Variants in ADAM32 observed in about 807,000 individuals in gnomAD.
The protein encoded by ADAM32 is disintegrin and metalloproteinase domain-containing protein 32.
A neutral mutation model predicts 114.9 loss-of-function variants in ADAM32; 89 were observed. That is an observed-to-expected ratio of 0.77 (90% CI 0.65 to 0.92). ADAM32 has a LOEUF of 0.92. ADAM32 is among the 40% of genes least tolerant of loss of function. The probability of loss-of-function intolerance (pLI) is 0.00; values close to 1 mark genes in which losing one functional copy is unlikely to be tolerated. For missense variants in ADAM32, 870 were observed against 932.8 expected (o/e 0.93, Z 0.88); for synonymous variants, 285 against 307.5 (o/e 0.93, Z 0.77).
intron 3 of ADAM32, among the ~76,000 whole-genome samples, chr8:39,137,089 A>G (rs1027878891): frequency 2.0e-5 from 3 of 152,190 alleles, no homozygotes; most frequent in African/African-American, 7.2e-5. Context: ...TGGGACAGGG[A>G]TTTAATACAG....
At position 39,118,173 on chromosome 8, in the gene ADAM32, A is replaced by T. The variant is rs529145996; in HGVS notation, c.138+8A>T. On this transcript the variant is annotated splice_region_variant and intron_variant, in intron 2 of 24. Coordinates refer to ENST00000379907, the MANE Select transcript of ADAM32 (RefSeq NM_145004.7). ...AGTTCAGAAATAGAATATGTAAGAGATATTTTTTCACAATCTAAATGTTTA... is the reference window on the plus strand; with the variant it reads ...AGTTCAGAAATAGAATATGTAAGAGTTATTTTTTCACAATCTAAATGTTTA... The T allele has an allele frequency of 1.6e-5, 22 of 1,376,756 alleles. No homozygotes were observed. Among genetic ancestry groups the T allele is most frequent in the Non-Finnish European group, 1.9e-5 (20 of 1,036,366 alleles). The allele number at this position is 1,376,756 out of a possible 1,614,324, so 85.3% of individuals were successfully genotyped here.
chr8:39,193,734 C>A (rs1197181166), intron 11 of ADAM32, among the ~76,000 whole-genome samples: 1 of 152,116 alleles, frequency 6.6e-6, no homozygotes, highest in Admixed American at 6.5e-5. Flanking sequence ...GTTCAGTCGA[C>A]TGGCTTTGTT....
chr8:39,129,122 T>TG (rs1554596050), intron 2 of ADAM32, among the ~76,000 whole-genome samples: 1,713 of 94,176 alleles, frequency 0.018, 13 homozygotes, highest in South Asian at 0.028. Context: ...CGTTTTTTTT[T>TG]GTCTTTTTTT....
At chr8:39,161,886 T>G (rs1804528692) in intron 7 of ADAM32, among the ~76,000 whole-genome samples, 2 of 151,980 alleles carry the variant, frequency 1.3e-5, no homozygotes, top group Admixed American at 1.3e-4. Flanking sequence ...ATGACTAAGT[T>G]TCCAGGGAAT....
At chr8:39,213,131 C>G (rs1263618888) in intron 12 of ADAM32, among the ~76,000 whole-genome samples, 1 of 152,026 alleles carries the variant, frequency 6.6e-6, no homozygotes, top group East Asian at 1.9e-4. Flanking sequence ...ATTAACAAAT[C>G]CATCACCTCA....
chr8:39,130,694 A>C (rs1483516382), intron 2 of ADAM32, among the ~76,000 whole-genome samples: 1 of 152,110 alleles, frequency 6.6e-6, no homozygotes, highest in Non-Finnish European at 1.5e-5. Context: ...CAAATTTTTG[A>C]GGATTTCCTA....
chr8:39,150,595 T>A (rs1457429354), intron 5 of ADAM32, among the ~76,000 whole-genome samples: 2 of 152,166 alleles, frequency 1.3e-5, no homozygotes, highest in Admixed American at 1.3e-4. Flanking sequence ...TTAGGGAGTT[T>A]TCCATTCTGT....
At position 39,211,271 on chromosome 8, in the gene ADAM32, T is replaced by G. The variant is rs754369001; in HGVS notation, c.1180T>G (p.Cys394Gly). 2 of 1,598,116 alleles carry G rather than the reference T, an allele frequency of 1.3e-6. No homozygotes were observed. The highest frequency in any genetic ancestry group is 8.5e-7 in the Non-Finnish European group (1 of 1,172,260). ...GCAAAAAAAATCTCCGAAACCAGTC[T>G]GTGGCAATGGCAGATTGGAGGGAAA... ...QMQKKSPKPV[C>G]GNGRLEGNEI... Residue 394 changes from cysteine (C) to glycine (G), a missense_variant, in exon 12 of 25, where the codon TGT becomes GGT. Cys to Gly is a radical substitution (Grantham distance 159, BLOSUM62 -3). Transcript: ENST00000379907.
intron 18 of ADAM32, 92 bp from the exon 19 acceptor site, chr8:39,257,095 T>A (rs1367223093): frequency 4.0e-6 from 5 of 1,235,664 alleles, no homozygotes; most frequent in Non-Finnish European, 4.3e-6. Flanking sequence ...ACAATACAAA[T>A]TCAGAAGATT....
In ADAM32 at chr8:39,220,712, T is replaced by G. The variant is rs902000890; in HGVS notation, c.1234-898T>G. ...GCATGTTGTTTAATTTCTGTGTGCT[T>G]GTGTAGTTTTCTAAGTTCTTGTTAT... On this transcript the variant is annotated intron_variant, in intron 12 of 24. Transcript: ENST00000379907. 3.3e-5 allele frequency among the ~76,000 whole-genome samples: 5 copies of G among 152,200 alleles called. No individual in the cohort carries two copies. In the East Asian group the frequency reaches 9.6e-4, roughly 29 times the overall value.
At chr8:39,213,383 A>C (rs990769702) in intron 12 of ADAM32, among the ~76,000 whole-genome samples, 1 of 151,294 alleles carries the variant, frequency 6.6e-6, no homozygotes, top group South Asian at 2.1e-4. Context: ...ATAAATTATT[A>C]ACTATAATTT....
chr8:39,243,660 C>T (rs563935263), intron 16 of ADAM32, among the ~76,000 whole-genome samples: 13 of 152,190 alleles, frequency 8.5e-5, no homozygotes, highest in African/African-American at 2.6e-4. Flanking sequence ...ATGCCAAAGC[C>T]GCAGACAACA....
chr8:39,151,675 C>CTT (rs11381154), intron 6 of ADAM32, 127 bp downstream of exon 6: 79,179 of 429,460 alleles, frequency 0.18, 46 homozygotes, highest in South Asian at 0.22. Context: ...AACATCTTAT[C>CTT]TTTTTTTTTT....
intron 2 of ADAM32, among the ~76,000 whole-genome samples, chr8:39,119,328 TC>T (rs1242727039): frequency 6.6e-6 from 1 of 152,238 alleles, no homozygotes; most frequent in Non-Finnish European, 1.5e-5. Context: ...ACATGTCACA[TC>T]AGCAATTTTT....
intron 6 of ADAM32, among the ~76,000 whole-genome samples, chr8:39,156,377 T>G (rs1194729255): frequency 6.6e-6 from 1 of 152,234 alleles, no homozygotes; most frequent in African/African-American, 2.4e-5. Context: ...ACTCCTGGAC[T>G]CAAGCAGTCC....
intron 17 of ADAM32, among the ~76,000 whole-genome samples, chr8:39,251,849 G>A (rs1442402092): frequency 6.6e-6 from 1 of 151,684 alleles, no homozygotes; most frequent in Non-Finnish European, 1.5e-5. Flanking sequence ...TATAGTTTTG[G>A]TTCTTAGATT....
chr8:39,122,759 G>A (rs1242039426), intron 2 of ADAM32, among the ~76,000 whole-genome samples: 1 of 152,038 alleles, frequency 6.6e-6, no homozygotes, highest in African/African-American at 2.4e-5. Context: ...GGTAGAGATG[G>A]GGTTTTGCCA....
intron 12 of ADAM32, among the ~76,000 whole-genome samples, chr8:39,220,356 A>AG (rs1262801080): frequency 6.6e-6 from 1 of 152,178 alleles, no homozygotes; most frequent in Non-Finnish European, 1.5e-5. Flanking sequence ...GATCTCTTGA[A>AG]GACAGCAGAT....
intron 1 of ADAM32, among the ~76,000 whole-genome samples, chr8:39,111,270 T>A (rs1840146738): frequency 6.6e-6 from 1 of 152,206 alleles, no homozygotes; most frequent in Admixed American, 6.5e-5. Flanking sequence ...AAAGAAACTG[T>A]TAGGCTCAGT....
Sources: allele counts gnomAD v4.1 joint callset (sites outside exome capture counted in the v4.1 genomes callset), GRCh38; gene constraint gnomAD v4.1.1; transcripts MANE v1.5; gene names NCBI Gene and HGNC (gene_info 2026-07-23, HGNC 2026-07-21).